The following SOX6 variants were observed in gnomAD, a reference collection of about 807,000 sequenced individuals.
SOX6 encodes SRY-box transcription factor 6.
SOX6 carries 11 observed loss-of-function variants against 97.8 expected under a neutral mutation model. That is an observed-to-expected ratio of 0.11 (90% CI 0.07 to 0.19). The LOEUF (loss-of-function observed/expected upper bound fraction) is 0.19. Ranked by LOEUF, SOX6 falls within the 10% of genes least tolerant of loss-of-function variation. The pLI is 1.00. For missense variants in SOX6, 810 were observed against 1,039.5 expected, an observed-to-expected ratio of 0.78 and a Z score of 3.04; for synonymous variants, 360 against 371.4, an observed-to-expected ratio of 0.97 and a Z score of 0.35.
chr11:16,392,883 T>C (rs765608484), intron 1 of SOX6, among the ~76,000 whole-genome samples: 1 of 152,132 alleles, frequency 6.6e-6, no homozygotes, highest in African/African-American at 2.4e-5. Context: ...GTTGACTCAC[T>C]TCCCTGTCTT....
intron 3 of SOX6, among the ~76,000 whole-genome samples, chr11:16,626,106 A>G (rs1161892577): frequency 6.6e-6 from 1 of 152,220 alleles, no homozygotes; most frequent in African/African-American, 2.4e-5. Context: ...TAACTGAATT[A>G]CATGCTAGGA....
chr11:16,518,108 C>A (rs913726388), intron 4 of SOX6, among the ~76,000 whole-genome samples: 3 of 152,196 alleles, frequency 2.0e-5, no homozygotes, highest in African/African-American at 7.2e-5. Flanking sequence ...AGCAGTCCTA[C>A]ACATAAAGCC....
At chr11:16,708,880 A>G (rs1848156267) in intron 3 of SOX6, among the ~76,000 whole-genome samples, 1 of 152,230 alleles carries the variant, frequency 6.6e-6, no homozygotes, top group Non-Finnish European at 1.5e-5. Context: ...AATATACTAT[A>G]AGATGTGATG....
intron 4 of SOX6, chr11:16,577,013 G>C (rs1214580593): frequency 6.6e-6 from 1 of 152,174 alleles, no homozygotes; most frequent in Non-Finnish European, 1.5e-5. Context: ...GAGACCAACA[G>C]GTTTCCTAAG....
intron 2 of SOX6, among the ~76,000 whole-genome samples, chr11:16,328,735 T>C (rs1856185517): frequency 6.6e-6 from 1 of 152,182 alleles, no homozygotes; most frequent in African/African-American, 2.4e-5. Context: ...TATAGTGTTA[T>C]TGACTGACAG....
chr11:16,721,776 CTTCA>C (rs1447313212), intron 2 of SOX6, among the ~76,000 whole-genome samples: 2 of 151,414 alleles, frequency 1.3e-5, no homozygotes, highest in Non-Finnish European at 2.9e-5. Flanking sequence ...AACCTGTTTT[CTTCA>C]TTAATTACCC....
chr11:15,979,385 G>T (rs1853597088), intron 15 of SOX6, among the ~76,000 whole-genome samples: 1 of 151,968 alleles, frequency 6.6e-6, no homozygotes, highest in South Asian at 2.1e-4. Flanking sequence ...TAAGAGGCTA[G>T]CTTCCTTGCT....
intron 12 of SOX6, among the ~76,000 whole-genome samples, chr11:16,035,155 C>A (rs1450931899): frequency 6.6e-6 from 1 of 152,136 alleles, no homozygotes; most frequent in Non-Finnish European, 1.5e-5. Context: ...TCATGTACAG[C>A]CATATATAAT....
chr11:16,558,278 G>A (rs965756203), intron 4 of SOX6, among the ~76,000 whole-genome samples: 4 of 151,896 alleles, frequency 2.6e-5, no homozygotes, highest in African/African-American at 9.7e-5. Flanking sequence ...TAAACCAACT[G>A]TCCTGGGATT....
chr11:16,097,372 C>T (rs1848825431), intron 8 of SOX6, among the ~76,000 whole-genome samples: 1 of 151,856 alleles, frequency 6.6e-6, no homozygotes, highest in South Asian at 2.1e-4. Flanking sequence ...AAACTATTCA[C>T]TCATCTGATA....
rs182188271 is a variant in SOX6, at chr11:16,128,890, C to T, written c.778-16967G>A. On this transcript the variant is annotated intron_variant, in intron 6 of 15. Transcript: ENST00000683767. ...ATTTATTTATTTTTAGACAGAGTTT[C>T]GCTCTTGTTGCCCAGGCAGGAGTGC... is the stretch of plus-strand genomic sequence containing the variant. 7.7e-3 allele frequency among the ~76,000 whole-genome samples: 1,164 copies of T among 152,152 alleles called. 21 individuals carry two copies. The highest frequency in any genetic ancestry group is 0.026 in the African/African-American group (1,076 of 41,532).
chr11:16,384,179 T>G (rs1161501439), intron 1 of SOX6, among the ~76,000 whole-genome samples: 1 of 150,858 alleles, frequency 6.6e-6, no homozygotes, highest in Non-Finnish European at 1.5e-5. Flanking sequence ...TAGGTTATTT[T>G]AATTATCTTC....
At chr11:16,140,660 G>T (rs891192517) in intron 6 of SOX6, among the ~76,000 whole-genome samples, 1 of 152,136 alleles carries the variant, frequency 6.6e-6, no homozygotes, top group Non-Finnish European at 1.5e-5. Flanking sequence ...ATAAAGGCAT[G>T]TACATGACTA....
At chr11:16,144,015 A>T (rs945387274) in intron 6 of SOX6, among the ~76,000 whole-genome samples, 5 of 152,232 alleles carry the variant, frequency 3.3e-5, no homozygotes, top group Non-Finnish European at 7.3e-5. Context: ...ATAGACATAT[A>T]CAGAACTCTC....
chr11:16,353,412 A>G (rs1856998597), intron 1 of SOX6, among the ~76,000 whole-genome samples: 1 of 152,114 alleles, frequency 6.6e-6, no homozygotes, highest in South Asian at 2.1e-4. Context: ...AGCCTCTCAT[A>G]TGAGGACATG....
At chr11:16,221,968 C>G (rs1352725957) in intron 4 of SOX6, among the ~76,000 whole-genome samples, 1 of 152,174 alleles carries the variant, frequency 6.6e-6, no homozygotes, top group South Asian at 2.1e-4. Context: ...TAAGAAACTG[C>G]CACTTGCCAA....
chr11:16,524,318 T>C (rs1861119668), intron 4 of SOX6, among the ~76,000 whole-genome samples: 1 of 151,354 alleles, frequency 6.6e-6, no homozygotes, highest in African/African-American at 2.4e-5. Flanking sequence ...GCAAGGCTGG[T>C]TCAATATACG....
chr11:16,066,826 A>T (rs1345054672), intron 9 of SOX6, among the ~76,000 whole-genome samples: 1 of 152,180 alleles, frequency 6.6e-6, no homozygotes, highest in Non-Finnish European at 1.5e-5. Context: ...ATAAGACCTA[A>T]GTTGATATCT....
At chr11:16,566,110 A>AG (rs1448129458) in intron 4 of SOX6, among the ~76,000 whole-genome samples, 1 of 151,754 alleles carries the variant, frequency 6.6e-6, no homozygotes, top group Non-Finnish European at 1.5e-5. Flanking sequence ...AAAAAAAAAA[A>AG]AAAGAAATAG....
Sources: gnomAD v4.1 joint callset for allele counts (sites outside exome capture counted in the v4.1 genomes callset) on GRCh38, gnomAD v4.1.1 for gene constraint, MANE v1.5 for transcripts, NCBI Gene and HGNC (gene_info 2026-07-23, HGNC 2026-07-21) for gene names.